Variants in SLCO1B1 observed in about 807,000 individuals in gnomAD.
SLCO1B1 encodes OATP-2.
Under a neutral mutation model 70.1 loss-of-function variants are expected in SLCO1B1, and 81 were observed. That is an observed-to-expected ratio of 1.16 (90% CI 0.97 to 1.39). SLCO1B1 has a LOEUF of 1.39. SLCO1B1 is among the 40% of genes most tolerant of loss of function. The probability of loss-of-function intolerance (pLI) is 0.00; values close to 1 mark genes in which losing one functional copy is unlikely to be tolerated. For synonymous variants in SLCO1B1, 283 were observed against 271.5 expected (o/e 1.04, Z -0.42); for missense variants, 895 against 799.6 (o/e 1.12, Z -1.44).
At chr12:21,155,365 A>C (rs374918870) in intron 2 of SLCO1B1, among the ~76,000 whole-genome samples, 1 of 151,646 alleles carries the variant, frequency 6.6e-6, no homozygotes, top group South Asian at 2.1e-4. Flanking sequence ...CTTGTACTCC[A>C]TATTTTCTAC....
chr12:21,159,569 A>G (rs979538785), intron 2 of SLCO1B1, among the ~76,000 whole-genome samples: 2 of 152,186 alleles, frequency 1.3e-5, no homozygotes, highest in African/African-American at 4.8e-5. Context: ...AAACATTTAC[A>G]TAGTTTGATG....
intron 7 of SLCO1B1, among the ~76,000 whole-genome samples, chr12:21,180,282 T>G (rs2121111030): frequency 6.6e-6 from 1 of 152,282 alleles, no homozygotes; most frequent in South Asian, 2.1e-4. Flanking sequence ...TTCTCTGCAT[T>G]TACACTTGGT....
chr12:21,216,588 T>C (rs1941360254), intron 11 of SLCO1B1, among the ~76,000 whole-genome samples: 1 of 152,168 alleles, frequency 6.6e-6, no homozygotes. Context: ...CCTTGGATTT[T>C]GTTTATGCCT....
chr12:21,234,620 G>C (rs983815036), intron 14 of SLCO1B1, among the ~76,000 whole-genome samples: 1 of 152,034 alleles, frequency 6.6e-6, no homozygotes, highest in Admixed American at 6.6e-5. Flanking sequence ...AGTTGGTTAG[G>C]TCAGCTCTCT....
chr12:21,177,114 C>T (rs1395187703), intron 5 of SLCO1B1, among the ~76,000 whole-genome samples: 1 of 152,064 alleles, frequency 6.6e-6, no homozygotes, highest in Non-Finnish European at 1.5e-5. Context: ...AAATTTTGTC[C>T]ATCTGAACTG....
At chr12:21,151,941 TG>T (rs757166460) in intron 2 of SLCO1B1, among the ~76,000 whole-genome samples, 16 of 152,120 alleles carry the variant, frequency 1.1e-4, no homozygotes, top group Non-Finnish European at 1.9e-4. Context: ...GATACTAATT[TG>T]GGGAAATTCT....
chr12:21,226,193 T>C (rs1043518121), intron 14 of SLCO1B1, among the ~76,000 whole-genome samples: 3 of 151,974 alleles, frequency 2.0e-5, no homozygotes, highest in Non-Finnish European at 2.9e-5. Flanking sequence ...GGTGGGAGGA[T>C]TCATGAGGCC....
intron 8 of SLCO1B1, among the ~76,000 whole-genome samples, chr12:21,198,701 T>C (rs550732644): frequency 6.6e-6 from 1 of 152,158 alleles, no homozygotes; most frequent in African/African-American, 2.4e-5. Flanking sequence ...TAAAACTGAT[T>C]AGAATGAAAA....
At chr12:21,134,735 T>A (rs905920263) in intron 1 of SLCO1B1, among the ~76,000 whole-genome samples, 1 of 152,222 alleles carries the variant, frequency 6.6e-6, no homozygotes, top group Non-Finnish European at 1.5e-5. Flanking sequence ...TTCTTCTTTA[T>A]TAGTCTTGCT....
chr12:21,200,881 G>T (rs1161277708), intron 9 of SLCO1B1, among the ~76,000 whole-genome samples: 2 of 152,016 alleles, frequency 1.3e-5, no homozygotes, highest in East Asian at 3.8e-4. Flanking sequence ...TATTTTAGAT[G>T]AGTTCCTGAA....
intron 9 of SLCO1B1, among the ~76,000 whole-genome samples, chr12:21,201,931 T>C (rs761306553): frequency 3.3e-5 from 5 of 152,146 alleles, no homozygotes; most frequent in Non-Finnish European, 7.4e-5. Context: ...GCAGCACTAT[T>C]TGCAATAGCA....
At position 21,239,283 on chromosome 12, in the gene SLCO1B1, A is replaced by G. The variant is rs956008808; in HGVS notation, c.*94A>G. 9 of 891,780 alleles carry G rather than the reference A, an allele frequency of 1.0e-5. No individual in the cohort carries two copies. The highest frequency in any genetic ancestry group is 1.7e-5 in the Non-Finnish European group (9 of 530,090). 55.2% of individuals were successfully genotyped at this position (891,780 alleles called of 1,614,324 possible). On this transcript the variant is annotated 3_prime_UTR_variant, in exon 15 of 15. Coordinates refer to ENST00000256958, the MANE Select transcript of SLCO1B1 (RefSeq NM_006446.5). The stretch of plus-strand genomic sequence containing the variant: ...TTTTTGAGGAGTTCCTGGTCCTTTC[A>G]CTAAGAATTTCCACATCTTTTATGG...
intron 11 of SLCO1B1, among the ~76,000 whole-genome samples, chr12:21,212,981 T>C (rs1409410193): frequency 6.6e-6 from 1 of 152,100 alleles, no homozygotes; most frequent in East Asian, 1.9e-4. Flanking sequence ...ATGGGTCTCC[T>C]GAATACAGCA....
chr12:21,136,826 C>G (rs148897223), intron 1 of SLCO1B1, among the ~76,000 whole-genome samples: 257 of 152,312 alleles, frequency 1.7e-3, no homozygotes, highest in African/African-American at 5.7e-3. Flanking sequence ...CTTCTTCTCT[C>G]AACTTGTCAA....
chr12:21,230,906 T>C (rs987750004), intron 14 of SLCO1B1, among the ~76,000 whole-genome samples: 8 of 152,038 alleles, frequency 5.3e-5, no homozygotes, highest in Non-Finnish European at 8.8e-5. Flanking sequence ...ATGTGCCATG[T>C]TGGTGTACTG....
At chr12:21,211,778 A>G (rs899436561) in intron 11 of SLCO1B1, among the ~76,000 whole-genome samples, 2 of 152,018 alleles carry the variant, frequency 1.3e-5, no homozygotes, top group South Asian at 2.1e-4. Flanking sequence ...CATCTTCCTG[A>G]TTTAGTCTTC....
In SLCO1B1 at chr12:21,179,016, T is replaced by C; in HGVS notation, c.723T>C (p.Asp241=). 6.3e-7 allele frequency: 1 copy of C among 1,586,112 alleles called. No homozygotes were observed. Among genetic ancestry groups the C allele is most frequent in the South Asian group, 1.1e-5 (1 of 90,518 alleles). ...TGTACGTGGATATTGGATATGTAGA[T>C]CTAAGTAAGTACAACCAGAACAAGG... ...SKMYVDIGYV[D]LSTIRITPTD... Residue 241 remains aspartate, a synonymous_variant, in exon 7 of 15, where the codon GAT becomes GAC. Coordinates refer to ENST00000256958, the MANE Select transcript of SLCO1B1 (RefSeq NM_006446.5).
chr12:21,139,881 C>T (rs552501972), intron 1 of SLCO1B1, among the ~76,000 whole-genome samples: 6 of 152,062 alleles, frequency 3.9e-5, no homozygotes, highest in Admixed American at 2.0e-4. Context: ...TTGAATGTTT[C>T]GAATGGGCCC....
chr12:21,183,545 T>C, intron 7 of SLCO1B1, among the ~76,000 whole-genome samples: 1 of 152,152 alleles, frequency 6.6e-6, no homozygotes, highest in East Asian at 1.9e-4. Flanking sequence ...AGAGCAAGAA[T>C]CTAGCTATAA....
Sources: gnomAD v4.1 joint callset for allele counts (sites outside exome capture counted in the v4.1 genomes callset) on GRCh38, gnomAD v4.1.1 for gene constraint, MANE v1.5 for transcripts, NCBI Gene and HGNC (gene_info 2026-07-23, HGNC 2026-07-21) for gene names.